The following FOLH1 variants were observed in gnomAD, a reference collection of about 807,000 sequenced individuals.
FOLH1 encodes glutamate carboxypeptidase 2.
A neutral mutation model predicts 93.9 loss-of-function variants in FOLH1; 54 were observed. The ratio of observed to expected loss-of-function variants is 0.57; its 90% confidence interval spans 0.46 to 0.72. The LOEUF is 0.72. Among genes scored for constraint, FOLH1 ranks in the 30% least tolerant of loss-of-function variants. The pLI is 0.00. For missense variants in FOLH1, 571 were observed against 892.5 expected (o/e 0.64, Z 4.59); for synonymous variants, 249 against 303.6 (o/e 0.82, Z 1.87).
Position 49,146,685 on chromosome 11 carries a change from A to C in FOLH1, c.*71T>G. On this transcript the variant is annotated 3_prime_UTR_variant, in exon 19 of 19. Transcript: ENST00000256999. ...AAATATACCAATTTTAAAATTTATC[A>C]ATATACCCATTACGATTCTTTCTGA... The C allele has an allele frequency of 7.0e-7, 1 of 1,419,990 alleles. No homozygotes were observed. Among genetic ancestry groups the C allele is most frequent in the South Asian group, 1.5e-5 (1 of 66,412 alleles). 88.0% of individuals were successfully genotyped at this position (1,419,990 alleles called of 1,614,324 possible).
At chr11:49,166,090 T>G (rs1298579799) in intron 12 of FOLH1, among the ~76,000 whole-genome samples, 2 of 152,154 alleles carry the variant, frequency 1.3e-5, no homozygotes, top group East Asian at 1.9e-4. Flanking sequence ...GATACAAAAT[T>G]TGTCCTATTG....
In FOLH1 at chr11:49,166,621, A is replaced by T. The variant is rs1009804431; in HGVS notation, c.1373-1849T>A. Among the ~76,000 whole-genome samples the T allele has an allele frequency of 2.1e-4, 32 of 152,230 alleles. 1 individual carries two copies. The highest frequency in any genetic ancestry group is 1.9e-3 in the Admixed American group (29 of 15,282). On this transcript the variant is annotated intron_variant, in intron 12 of 18. Coordinates refer to ENST00000256999, the MANE Select transcript of FOLH1 (RefSeq NM_004476.3). ...AGGACTAAGTTTGAGAGTAGTTTGC[A>T]TTGGGGAGTTTCGCTTTATTTGTAC... is the stretch of plus-strand genomic sequence containing the variant.
chr11:49,176,035 A>T, intron 7 of FOLH1, 78 bp from the exon 8 acceptor site: 1 of 1,262,720 alleles, frequency 7.9e-7, no homozygotes, highest in East Asian at 2.3e-5. Context: ...GATTCACTTT[A>T]TTGAGCATCT....
chr11:49,174,420 T>C (rs1401266448), intron 9 of FOLH1, among the ~76,000 whole-genome samples: 2 of 152,206 alleles, frequency 1.3e-5, no homozygotes, highest in Non-Finnish European at 1.5e-5. Context: ...GGAAATCATA[T>C]GTCCATATAT....
At chr11:49,183,290 A>C in intron 6 of FOLH1, 48 bp from the exon 7 acceptor site, 2 of 1,421,626 alleles carry the variant, frequency 1.4e-6, no homozygotes, top group Middle Eastern at 3.6e-4. Context: ...AGTTTCATTC[A>C]AACGGTTCTC....
chr11:49,208,413 G>C lies in FOLH1; in HGVS notation c.-4C>G, dbSNP rs533521065. 1.6e-5 allele frequency: 25 copies of C among 1,588,442 alleles called. No homozygotes were observed. The South Asian group carries it at 1.6e-4, about 10-fold the overall frequency. On this transcript the variant is annotated 5_prime_UTR_variant, in exon 1 of 19. Transcript: ENST00000256999. ...TTTCGTGAAGGAGATTCCACATCTC[G>C]GCGCGAGCAGAGCCGGCCTCCCGGG... is the stretch of plus-strand genomic sequence containing the variant.
rs554878734 is a variant in FOLH1, at chr11:49,170,114, G to A, written c.1309-856C>T. Among the ~76,000 whole-genome samples the A allele has an allele frequency of 5.9e-5, 9 of 151,982 alleles. No homozygotes were observed. In the East Asian group the frequency reaches 7.7e-4, roughly 13 times the overall value. ...TGAAAGGAGCCAGTAAATATTTACAGCATGACTGGAAATTAATGGAATAAA... is the reference window on the plus strand; with the variant it reads ...TGAAAGGAGCCAGTAAATATTTACAACATGACTGGAAATTAATGGAATAAA... On this transcript the variant is annotated intron_variant, in intron 11 of 18. Coordinates refer to ENST00000256999, the MANE Select transcript of FOLH1 (RefSeq NM_004476.3).
At chr11:49,150,779 C>T (rs1856420419) in intron 17 of FOLH1, among the ~76,000 whole-genome samples, 1 of 152,168 alleles carries the variant, frequency 6.6e-6, no homozygotes, top group African/African-American at 2.4e-5. Context: ...AATACTTCAA[C>T]AATGAGTTAC....
At chr11:49,200,184 A>C in intron 3 of FOLH1, 71 bp downstream of exon 3, 1 of 1,262,096 alleles carries the variant, frequency 7.9e-7, no homozygotes, top group South Asian at 1.7e-5. Flanking sequence ...ATAGAACATT[A>C]TTTCATAGAA....
chr11:49,202,284 T>TA (rs1424178831), intron 2 of FOLH1, among the ~76,000 whole-genome samples: 5 of 152,268 alleles, frequency 3.3e-5, no homozygotes, highest in African/African-American at 4.8e-5. Flanking sequence ...TCAAATTTTG[T>TA]AAAAAATAAA....
intron 3 of FOLH1, among the ~76,000 whole-genome samples, chr11:49,199,756 CA>C (rs1565213110): frequency 6.6e-6 from 1 of 151,838 alleles, no homozygotes. Flanking sequence ...ATTAAAAATA[CA>C]AAAATTAGCT....
In FOLH1 at chr11:49,145,451, G is replaced by A. The variant is rs991877953; in HGVS notation, c.*1305C>T. On this transcript the variant is annotated 3_prime_UTR_variant, in exon 19 of 19. Coordinates refer to ENST00000256999, the MANE Select transcript of FOLH1 (RefSeq NM_004476.3). ...TCATGGTGGCCAGGAGAACCCAGCG[G>A]CCAAGAGCTTCTCCTGAAATTGTCC... 6.6e-6 allele frequency among the ~76,000 whole-genome samples: 1 copy of A among 152,162 alleles called. No individual in the cohort carries two copies. The highest frequency in any genetic ancestry group is 2.4e-5 in the African/African-American group (1 of 41,440).
At position 49,153,887 on chromosome 11, in the gene FOLH1, A is replaced by G. The variant is rs1229456006; in HGVS notation, c.1929T>C (p.Ala643=). The change falls in exon 17 of 19, where the codon GCT becomes GCC. Residue 643 remains alanine (A), a synonymous_variant. Transcript: ENST00000256999. The stretch of plus-strand genomic sequence containing the variant: ...CCTGGAGTCTCTCACTGAACTTGGA[A>G]GCAATTTCTGTAAAATTCTTTACTG... ...FSAVKNFTEI[A]SKFSERLQDF... 1 of 1,606,512 alleles carries G rather than the reference A, an allele frequency of 6.2e-7. No individual in the cohort carries two copies. Among genetic ancestry groups the G allele is most frequent in the East Asian group, 2.2e-5 (1 of 44,766 alleles).
intron 18 of FOLH1, among the ~76,000 whole-genome samples, chr11:49,147,146 ATAAAT>A (rs745564695): frequency 3.3e-4 from 50 of 152,214 alleles, no homozygotes; most frequent in Admixed American, 6.5e-5. Context: ...TTTCAAACAA[ATAAAT>A]TAAAGTGGTT....
intron 4 of FOLH1, among the ~76,000 whole-genome samples, chr11:49,192,364 A>C (rs987098461): frequency 2.7e-4 from 41 of 152,248 alleles, no homozygotes; most frequent in Admixed American, 5.9e-4. Context: ...GAAAACACAG[A>C]GTGAACAAAA....
At chr11:49,147,754 T>C (rs987130928) in intron 18 of FOLH1, among the ~76,000 whole-genome samples, 2 of 152,098 alleles carry the variant, frequency 1.3e-5, no homozygotes, top group African/African-American at 4.8e-5. Context: ...GGACACCCTG[T>C]CGCTACAAAT....
intron 2 of FOLH1, among the ~76,000 whole-genome samples, chr11:49,205,818 A>T (rs1448125555): frequency 6.6e-6 from 1 of 152,226 alleles, no homozygotes; most frequent in Non-Finnish European, 1.5e-5. Flanking sequence ...ACTAGATGTG[A>T]CACAGATCAG....
intron 1 of FOLH1, chr11:49,206,856 CT>C: frequency 6.8e-7 from 1 of 1,471,046 alleles, no homozygotes; most frequent in Non-Finnish European, 9.2e-7. Context: ...GTCATTAGAC[CT>C]TGCAGTTGGC....
rs1464583799 is a variant in FOLH1 at position 49,145,319 on chromosome 11, G to T, written c.*1437C>A. Among the ~76,000 whole-genome samples the T allele has an allele frequency of 6.6e-6, 1 of 152,054 alleles. No individual in the cohort carries two copies. The highest frequency in any genetic ancestry group is 2.4e-5 in the African/African-American group (1 of 41,418). ...CTGTGTGCACCCTTGGCAAACTCTG[G>T]CAATGCAAATGACATCTCCAGCATC... On this transcript the variant is annotated 3_prime_UTR_variant, in exon 19 of 19. Coordinates refer to ENST00000256999, the MANE Select transcript of FOLH1 (RefSeq NM_004476.3).
Sources: allele counts gnomAD v4.1 joint callset (sites outside exome capture counted in the v4.1 genomes callset), GRCh38; gene constraint gnomAD v4.1.1; transcripts MANE v1.5; gene names NCBI Gene and HGNC (gene_info 2026-07-23, HGNC 2026-07-21).